ZZEF1: variants seen among roughly 807,000 people sequenced by gnomAD.
ZZEF1 encodes the protein zinc finger ZZ-type and EF-hand domain-containing protein 1.
Under a neutral mutation model 342.8 loss-of-function variants are expected in ZZEF1, and 157 were observed. The ratio of observed to expected loss-of-function variants is 0.46; its 90% CI spans 0.40 to 0.52. ZZEF1 has a LOEUF of 0.52. ZZEF1 is among the 20% of genes least tolerant of loss of function. The pLI, the probability that ZZEF1 is intolerant of heterozygous loss-of-function variation, is 0.00. For missense variants in ZZEF1, 3,480 were observed against 3,725.6 expected (o/e 0.93, Z 1.72); for synonymous variants, 1,505 against 1,429.1 (o/e 1.05, Z -1.20).
intron 21 of ZZEF1, chr17:4,076,133 C>CTTTTTTTTTTTTTT: frequency 9.5e-6 from 1 of 104,860 alleles, no homozygotes; most frequent in Non-Finnish European, 1.8e-5. Context: ...TCTGCGTCTC[C>CTTTTTTTTTTTTTT]TTTCTTTTTT....
chr17:4,035,585 G>A (rs1027918658), intron 39 of ZZEF1, among the ~76,000 whole-genome samples: 20 of 152,330 alleles, frequency 1.3e-4, no homozygotes, highest in African/African-American at 4.3e-4. Flanking sequence ...TGGAGCTTGG[G>A]CTCCGAGTGA....
At position 4,066,433 on chromosome 17, in the gene ZZEF1, G is replaced by A. The variant is rs1369190353; in HGVS notation, c.4249+14C>T. 1.9e-6 allele frequency: 3 copies of A among 1,613,276 alleles called. No individual in the cohort carries two copies. The highest frequency in any genetic ancestry group is 2.7e-5 in the African/African-American group (2 of 74,898). On this transcript the variant is annotated intron_variant, in intron 28 of 54. Coordinates refer to ENST00000381638, the MANE Select transcript of ZZEF1 (RefSeq NM_015113.4). The stretch of plus-strand genomic sequence containing the variant: ...AGAAGGCTCAGGGACAACAGCTGGT[G>A]TTAGCACACTCACCCAGGCTCTCAG...
chr17:4,121,394 C>A (rs958996778), intron 2 of ZZEF1, among the ~76,000 whole-genome samples: 13 of 152,192 alleles, frequency 8.5e-5, no homozygotes, highest in Non-Finnish European at 1.3e-4. Context: ...GAGGCCAAGA[C>A]AGGTGGATCA....
At chr17:4,118,158 T>C (rs1018530873) in intron 2 of ZZEF1, among the ~76,000 whole-genome samples, 1 of 152,174 alleles carries the variant, frequency 6.6e-6, no homozygotes, top group African/African-American at 2.4e-5. Flanking sequence ...CACTTCCTCA[T>C]GTAATTTACT....
At chr17:4,037,886 C>T (rs1310459095) in intron 39 of ZZEF1, among the ~76,000 whole-genome samples, 5 of 152,122 alleles carry the variant, frequency 3.3e-5, no homozygotes. Context: ...CTGGCCTATA[C>T]ATTAATTCTG....
intron 36 of ZZEF1, among the ~76,000 whole-genome samples, chr17:4,050,488 T>C (rs780363561): frequency 7.9e-5 from 12 of 152,246 alleles, no homozygotes; most frequent in African/African-American, 1.2e-4. Context: ...CAAAGTTTGG[T>C]AGATTCAAAT....
rs776092497 is a variant in ZZEF1, at chr17:4,017,489, G to A, written c.7883C>T (p.Ala2628Val). The change falls in exon 48 of 55, where the codon GCC (alanine) becomes GTC (valine). Residue 2628 changes from alanine (A) to valine (V), a missense_variant. By Grantham distance (64) the Ala-to-Val change is moderately conservative. Coordinates refer to ENST00000381638, the MANE Select transcript of ZZEF1 (RefSeq NM_015113.4). The surrounding 1 kb of genome is among the most constrained non-coding windows in gnomAD (Gnocchi z 5.1). ...CACTGGCACGTGGCTAGGCCACTCG[G>A]CGAGCAGGGATGCAAGCACGTGGCG... ...YARHVLASLL[A>V]EWPSHVPVSE... is the part of the protein sequence containing the mutation. The A allele has an allele frequency of 1.9e-6, 3 of 1,614,144 alleles. No individual in the cohort carries two copies. The highest frequency in any genetic ancestry group is 4.5e-5 in the East Asian group (2 of 44,906).
intron 6 of ZZEF1, 142 bp from the exon 7 acceptor site, chr17:4,105,951 G>A (rs2058205295): frequency 3.1e-6 from 2 of 638,256 alleles, no homozygotes; most frequent in Non-Finnish European, 5.2e-6. Context: ...AATATAAACT[G>A]GCCCTTCTTT....
chr17:4,008,735 G>T lies in ZZEF1; in HGVS notation c.8805+148C>A. 1 of 1,422,388 alleles carries T rather than the reference G, an allele frequency of 7.0e-7. No homozygotes were observed. Among genetic ancestry groups the T allele is most frequent in the East Asian group, 2.6e-5 (1 of 38,320 alleles). The allele number at this position is 1,422,388 out of a possible 1,614,324, so 88.1% of individuals were successfully genotyped here. On this transcript the variant is annotated intron_variant, in intron 54 of 54. Transcript: ENST00000381638. This position sits in a 1 kb window ranked among gnomAD's most constrained non-coding sequence, Gnocchi z 4.2. ...GTGCATGCTCTCTGAGCACCAGGAG[G>T]AAGTGACTGAACTGGAACAAGCTCT...
chr17:4,114,616 G>GTAGT (rs1455226432), intron 3 of ZZEF1, 146 bp from the exon 4 acceptor site: 2 of 643,836 alleles, frequency 3.1e-6, no homozygotes, highest in African/African-American at 3.8e-5. Flanking sequence ...AGATCCTTTT[G>GTAGT]TAGTTCATCA....
intron 24 of ZZEF1, 146 bp downstream of exon 24, chr17:4,074,004 C>T: frequency 2.2e-6 from 2 of 909,772 alleles, no homozygotes; most frequent in Non-Finnish European, 3.3e-6. Flanking sequence ...ATTGAGTGGA[C>T]ACTTTATTCT....
intron 16 of ZZEF1, among the ~76,000 whole-genome samples, chr17:4,084,374 CTTGGCCATAA>C (rs1450295179): frequency 2.6e-5 from 4 of 151,974 alleles, no homozygotes; most frequent in Non-Finnish European, 5.9e-5. Context: ...ATAAATCCAA[CTTGGCCATAA>C]TTTTGTTTAT....
chr17:4,085,883 T>C, intron 15 of ZZEF1, 80 bp from the exon 16 acceptor site: 1 of 1,542,634 alleles, frequency 6.5e-7, no homozygotes, highest in African/African-American at 1.4e-5. Context: ...GCCTATAAAT[T>C]CACTACTCTC....
chr17:4,037,631 T>C (rs918246757), intron 39 of ZZEF1, among the ~76,000 whole-genome samples: 5 of 152,220 alleles, frequency 3.3e-5, no homozygotes, highest in African/African-American at 1.2e-4. Context: ...TTGCCCAAAC[T>C]GGAATGCAGA....
intron 45 of ZZEF1, 81 bp downstream of exon 45, chr17:4,021,048 T>G: frequency 9.0e-6 from 13 of 1,437,718 alleles, no homozygotes; most frequent in Non-Finnish European, 1.1e-5. Context: ...TTTTCATGTT[T>G]AGGCTAAAAC....
At position 4,105,718 on chromosome 17, in the gene ZZEF1, C is replaced by T. The variant is rs763674752; in HGVS notation, c.1369G>A (p.Asp457Asn). ...FLSPNVLEEV[D>N]SFLIRITSCC... is the part of the protein sequence containing the mutation. ...CTAGTTATCCTTATGAGGAAACTGTCCACTTCTTCCAGCACATTAGGGGAG... is the reference window on the plus strand; with the variant it reads ...CTAGTTATCCTTATGAGGAAACTGTTCACTTCTTCCAGCACATTAGGGGAG... The change falls in exon 7 of 55, where the codon GAC (aspartate) becomes AAC (asparagine). Residue 457 changes from aspartate to asparagine, a missense_variant. Physicochemically the swap from Asp to Asn is conservative, Grantham distance 23. Coordinates refer to ENST00000381638, the MANE Select transcript of ZZEF1 (RefSeq NM_015113.4). 6.2e-7 allele frequency: 1 copy of T among 1,613,200 alleles called. No homozygotes were observed. Among genetic ancestry groups the T allele is most frequent in the African/African-American group, 1.3e-5 (1 of 74,880 alleles).
chr17:4,142,504 G>A (rs978287899), intron 1 of ZZEF1, 38 bp downstream of exon 1: 44 of 1,580,024 alleles, frequency 2.8e-5, no homozygotes, highest in Non-Finnish European at 3.4e-5. Context: ...GGGGGCGACC[G>A]CCCTGCCCCA....
rs201500914 is a variant in ZZEF1, at chr17:4,008,889, C to T, written c.8799G>A (p.Ala2933=). ...GTTGGGGTGGAGAGAGTACCTGTGCCGCACAGCGGAGAAGGTGGTCGTCCG... is the reference window on the plus strand; with the variant it reads ...GTTGGGGTGGAGAGAGTACCTGTGCTGCACAGCGGAGAAGGTGGTCGTCCG... ...LTTDDHLLRC[A]AQALQNIAAI... is the part of the protein sequence containing the mutation. Residue 2933 remains alanine, a synonymous_variant, in exon 54 of 55, where the codon GCG becomes GCA. Coordinates refer to ENST00000381638, the MANE Select transcript of ZZEF1 (RefSeq NM_015113.4). This position sits in a 1 kb window ranked among gnomAD's most constrained non-coding sequence, Gnocchi z 4.2. 1.6e-5 allele frequency: 24 copies of T among 1,547,150 alleles called. No individual in the cohort carries two copies. Among genetic ancestry groups the T allele is most frequent in the East Asian group, 7.3e-5 (3 of 41,192 alleles).
In ZZEF1 at chr17:4,052,149, A is replaced by G; in HGVS notation, c.5435-13T>C. Reference sequence around the variant, plus strand: ...GGCTTCACCCCACCTGAGGAGAAACACAGCAGTGTGAGGGGATGAGGTAGA... The same window carrying G: ...GGCTTCACCCCACCTGAGGAGAAACGCAGCAGTGTGAGGGGATGAGGTAGA... On this transcript the variant is annotated splice_polypyrimidine_tract_variant and intron_variant, in intron 34 of 54. Coordinates refer to ENST00000381638, the MANE Select transcript of ZZEF1 (RefSeq NM_015113.4). 3.1e-6 allele frequency: 5 copies of G among 1,604,802 alleles called. No individual in the cohort carries two copies. The highest frequency in any genetic ancestry group is 4.3e-6 in the Non-Finnish European group (5 of 1,175,478).
Sources: allele counts gnomAD v4.1 joint callset (sites outside exome capture counted in the v4.1 genomes callset), GRCh38; gene constraint gnomAD v4.1.1; non-coding constraint Gnocchi (gnomAD v3.1); transcripts MANE v1.5; gene names NCBI Gene and HGNC (gene_info 2026-07-23, HGNC 2026-07-21).